The following COL16A1 variants were observed in gnomAD, a reference collection of about 807,000 sequenced individuals.
COL16A1 encodes the protein collagen alpha-1(XVI) chain.
COL16A1 carries 189 observed loss-of-function variants against 266.3 expected under a neutral mutation model. The observed-to-expected ratio is 0.71, with a 90% confidence interval of 0.63 to 0.80. COL16A1 has a LOEUF of 0.80. Ranked by LOEUF, COL16A1 falls within the 30% of genes least tolerant of loss-of-function variation. The pLI, the probability that COL16A1 is intolerant of heterozygous loss-of-function variation, is 0.00. For missense variants in COL16A1, 1,928 were observed against 2,122.4 expected (o/e 0.91, Z 1.80); for synonymous variants, 740 against 782.3 (o/e 0.95, Z 0.90).
intron 42 of COL16A1, among the ~76,000 whole-genome samples, chr1:31,677,312 C>T (rs1643275535): frequency 6.6e-6 from 1 of 152,230 alleles, no homozygotes. Context: ...TGGTCTCGAA[C>T]TCCTGACCTC....
In COL16A1 at chr1:31,662,186, G is replaced by A. The variant is rs185397336; in HGVS notation, c.3681+148C>T. 1.1e-4 allele frequency: 153 copies of A among 1,437,584 alleles called. No homozygotes were observed. The African/African-American group carries it at 1.7e-3, about 16-fold the overall frequency. 89.1% of individuals were successfully genotyped at this position (1,437,584 alleles called of 1,614,324 possible). A position where few individuals can be genotyped will look rare whatever the true frequency, so the allele number is the denominator to read the frequency against. ...GCTGTGGTGCCATCGGGGAGCTGGG[G>A]TAGAGGGAGACAGACCGAGGGAGGG... On this transcript the variant is annotated intron_variant, in intron 58 of 70. Coordinates refer to ENST00000373672, the MANE Select transcript of COL16A1 (RefSeq NM_001856.4).
chr1:31,674,222 G>T (rs1032612097), intron 44 of COL16A1, among the ~76,000 whole-genome samples: 3 of 152,188 alleles, frequency 2.0e-5, no homozygotes, highest in African/African-American at 7.2e-5. Flanking sequence ...AGAAGAGGGT[G>T]GCCAGGATGA....
intron 48 of COL16A1, among the ~76,000 whole-genome samples, chr1:31,671,055 T>A (rs1360577321): frequency 6.6e-6 from 1 of 152,332 alleles, no homozygotes; most frequent in Non-Finnish European, 1.5e-5. Flanking sequence ...GAAAGCATTT[T>A]CAGTTCTTTC....
intron 38 of COL16A1, 42 bp from the exon 39 acceptor site, chr1:31,680,973 C>G (rs780072868): frequency 1.2e-6 from 2 of 1,613,966 alleles, no homozygotes; most frequent in Non-Finnish European, 1.7e-6. Flanking sequence ...ATAGGGGTGC[C>G]GAGGCAGGGC....
chr1:31,661,243 C>G, intron 60 of COL16A1, 124 bp from the exon 61 acceptor site: 1 of 1,474,984 alleles, frequency 6.8e-7, no homozygotes, highest in Non-Finnish European at 9.2e-7. Flanking sequence ...CTCTGATGCC[C>G]TCCAGCTGGT....
chr1:31,670,780 A>G lies in COL16A1; in HGVS notation c.3151-134T>C. 1.5e-6 allele frequency: 1 copy of G among 673,904 alleles called. No homozygotes were observed. Among genetic ancestry groups the G allele is most frequent in the South Asian group, 4.7e-5 (1 of 21,372 alleles). 41.7% of individuals were successfully genotyped at this position (673,904 alleles called of 1,614,324 possible). A position where few individuals can be genotyped will look rare whatever the true frequency, so the allele number is the denominator to read the frequency against. ...TATTTTCAAGGCAGCTGGAAAAGAGACTCCTTGAAAGTCTTGGCTCAAAAG... is the reference window on the plus strand; with the variant it reads ...TATTTTCAAGGCAGCTGGAAAAGAGGCTCCTTGAAAGTCTTGGCTCAAAAG... On this transcript the variant is annotated intron_variant, in intron 48 of 70. Transcript: ENST00000373672. This position sits in a 1 kb window ranked among gnomAD's most constrained non-coding sequence, Gnocchi z 4.5.
chr1:31,684,986 A>G, intron 29 of COL16A1, 130 bp from the exon 30 acceptor site: 1 of 1,557,782 alleles, frequency 6.4e-7, no homozygotes, highest in South Asian at 1.1e-5. Context: ...TAGTGAAGCA[A>G]TCTTGCCCAG....
intron 62 of COL16A1, chr1:31,660,093 C>A (rs1641525674): frequency 6.6e-6 from 1 of 150,584 alleles, no homozygotes; most frequent in African/African-American, 2.5e-5. Flanking sequence ...CCCATCAGCT[C>A]AGTGCCGTCA....
Position 31,668,752 on chromosome 1 carries a change from G to A in COL16A1, c.3249+50C>T, listed in dbSNP as rs746590181. On this transcript the variant is annotated intron_variant, in intron 50 of 70. Coordinates refer to ENST00000373672, the MANE Select transcript of COL16A1 (RefSeq NM_001856.4). This position sits in a 1 kb window ranked among gnomAD's most constrained non-coding sequence, Gnocchi z 5.8. ...TCAGAGCTCAAGCTCTGCCTCCCCA[G>A]CTCTTCCTCCCTTTCCAGCCCTTTC... 3.7e-6 allele frequency: 6 copies of A among 1,604,778 alleles called. No homozygotes were observed. The highest frequency in any genetic ancestry group is 5.1e-6 in the Non-Finnish European group (6 of 1,171,924).
rs190866333 is a variant in COL16A1, at chr1:31,679,754, G to A, written c.2718+50C>T. 10 of 1,601,190 alleles carry A rather than the reference G, an allele frequency of 6.2e-6. No individual in the cohort carries two copies. In the East Asian group the frequency reaches 2.0e-4, roughly 32 times the overall value. On this transcript the variant is annotated intron_variant, in intron 41 of 70. Coordinates refer to ENST00000373672, the MANE Select transcript of COL16A1 (RefSeq NM_001856.4). Reference sequence around the variant, plus strand: ...CCCATGGCCGAGAGCAGCTGTTTAGGGTGGACAAGCCGCGGGGCGCTGGCG... The same window carrying A: ...CCCATGGCCGAGAGCAGCTGTTTAGAGTGGACAAGCCGCGGGGCGCTGGCG...
In COL16A1 at chr1:31,670,269, T is replaced by G. The variant is rs772331790; in HGVS notation, c.3195+333A>C. On this transcript the variant is annotated intron_variant, in intron 49 of 70. Transcript: ENST00000373672. The surrounding 1 kb of genome is among the most constrained non-coding windows in gnomAD (Gnocchi z 4.5). ...GGAGGGGCCCCCTAGAGGCACCAGCTTAAGAGGAAGGTTCACGAGCTCAGG... is the reference window on the plus strand; with the variant it reads ...GGAGGGGCCCCCTAGAGGCACCAGCGTAAGAGGAAGGTTCACGAGCTCAGG... The G allele has an allele frequency of 3.2e-5, 10 of 308,442 alleles. No homozygotes were observed. Among genetic ancestry groups the G allele is most frequent in the Non-Finnish European group, 5.3e-5 (9 of 169,604 alleles). The allele number at this position is 308,442 out of a possible 1,614,324, so 19.1% of individuals were successfully genotyped here.
At chr1:31,667,830 C>G (rs1382172081) in intron 51 of COL16A1, among the ~76,000 whole-genome samples, 1 of 152,102 alleles carries the variant, frequency 6.6e-6, no homozygotes, top group African/African-American at 2.4e-5. Context: ...GAGGACACAC[C>G]CACCCAGCAG....
Position 31,690,356 on chromosome 1 carries a change from C to T in COL16A1, c.1509+11G>A. 6.2e-7 allele frequency: 1 copy of T among 1,613,758 alleles called. No individual in the cohort carries two copies. The highest frequency in any genetic ancestry group is 2.2e-5 in the East Asian group (1 of 44,880). On this transcript the variant is annotated intron_variant, in intron 22 of 70. Transcript: ENST00000373672. ...CCCACCCCGATCTGGGCAGCCAGGC[C>T]TAGGACTCACCTTCTCTCCCTTCAC...
intron 67 of COL16A1, 110 bp from the exon 68 acceptor site, chr1:31,654,968 ATTCTT>A: frequency 5.7e-5 from 25 of 435,918 alleles, no homozygotes; most frequent in Non-Finnish European, 7.1e-5. Flanking sequence ...CCTCCCACAG[ATTCTT>A]TTTTTTTTTT....
rs41310430 is a variant in COL16A1, at chr1:31,668,252, C to A, written c.3250-34G>T. ...AAAGGCAGACATGATGGATAGCCCCCCAACATTTCTGTTCTCCCCTCGCTG... is the reference window on the plus strand; with the variant it reads ...AAAGGCAGACATGATGGATAGCCCCACAACATTTCTGTTCTCCCCTCGCTG... On this transcript the variant is annotated intron_variant, in intron 50 of 70. Coordinates refer to ENST00000373672, the MANE Select transcript of COL16A1 (RefSeq NM_001856.4). The surrounding 1 kb of genome is among the most constrained non-coding windows in gnomAD (Gnocchi z 5.8). 3.4e-5 allele frequency: 55 copies of A among 1,610,692 alleles called. No homozygotes were observed. Among genetic ancestry groups the A allele is most frequent in the Non-Finnish European group, 4.5e-5 (53 of 1,177,262 alleles).
intron 2 of COL16A1, among the ~76,000 whole-genome samples, chr1:31,700,979 G>T (rs533740925): frequency 6.6e-6 from 1 of 152,200 alleles, no homozygotes; most frequent in African/African-American, 2.4e-5. Context: ...AGAAGTGTTG[G>T]GGGAGGTGCT....
intron 47 of COL16A1, 131 bp from the exon 48 acceptor site, chr1:31,671,790 C>T (rs1330927928): frequency 9.6e-7 from 1 of 1,043,448 alleles, no homozygotes; most frequent in African/African-American, 1.6e-5. Context: ...AGCAGGACCA[C>T]TTAGCTGATG....
intron 42 of COL16A1, 46 bp downstream of exon 42, chr1:31,679,586 C>T: frequency 6.2e-7 from 1 of 1,614,198 alleles, no homozygotes; most frequent in Non-Finnish European, 8.5e-7. Context: ...CATCCTGACC[C>T]ATGAGCTCTG....
At chr1:31,655,719 A>G (rs1641078591) in intron 66 of COL16A1, 2 of 762,518 alleles carry the variant, frequency 2.6e-6, no homozygotes, top group Non-Finnish European at 4.0e-6. Flanking sequence ...ATGGCTCCCA[A>G]ATGTCCTCAG....
Sources: gnomAD v4.1 joint callset for allele counts (sites outside exome capture counted in the v4.1 genomes callset) on GRCh38, gnomAD v4.1.1 for gene constraint, Gnocchi (gnomAD v3.1) non-coding constraint, MANE v1.5 for transcripts, NCBI Gene and HGNC (gene_info 2026-07-23, HGNC 2026-07-21) for gene names.